RSPO3: variants seen among roughly 807,000 people sequenced by gnomAD.
RSPO3 encodes the protein R-spondin 3, also known as R-spondin-3.
RSPO3 carries 17 observed loss-of-function variants against 36.5 expected under a neutral mutation model. The observed-to-expected ratio is 0.47, with a 90% CI of 0.32 to 0.70. The LOEUF (loss-of-function observed/expected upper bound fraction) is 0.70. Ranked by LOEUF, RSPO3 falls within the 30% of genes least tolerant of loss-of-function variation. RSPO3 has a pLI of 0.04. For missense variants in RSPO3, 294 were observed against 322.5 expected (o/e 0.91, Z 0.68); for synonymous variants, 108 against 107.0 (o/e 1.01, Z -0.06).
intron 1 of RSPO3, chr6:127,119,741 G>A (rs1773800707): frequency 6.4e-6 from 1 of 155,338 alleles, no homozygotes; most frequent in African/African-American, 2.4e-5. Flanking sequence ...GCCTCGCGCG[G>A]GGAGACCTCG....
chr6:127,138,295 G>A (rs986804190), intron 1 of RSPO3, among the ~76,000 whole-genome samples: 26 of 152,164 alleles, frequency 1.7e-4, no homozygotes, highest in African/African-American at 5.8e-4. Flanking sequence ...GTTTAAGTAG[G>A]TGTGTATCTT....
intron 1 of RSPO3, among the ~76,000 whole-genome samples, 183 bp from the exon 2 acceptor site, chr6:127,148,465 C>G (rs927534102): frequency 6.6e-6 from 1 of 151,478 alleles, no homozygotes; most frequent in African/African-American, 2.4e-5. Flanking sequence ...AAATTAAAAA[C>G]AATACATGTG....
chr6:127,196,868 A>T lies in RSPO3; in HGVS notation c.*861A>T, dbSNP rs1478282337. The T allele has an allele frequency of 6.5e-6, 1 of 152,738 alleles. No individual in the cohort carries two copies. The highest frequency in any genetic ancestry group is 1.5e-5 in the Non-Finnish European group (1 of 68,126). The allele number at this position is 152,738 out of a possible 1,614,324, so 9.5% of individuals were successfully genotyped here. A position where few individuals can be genotyped will look rare whatever the true frequency, so the allele number is the denominator to read the frequency against. The stretch of plus-strand genomic sequence containing the variant: ...TTTATAGAAAAAAAATAGAGCAAGG[A>T]GAATATAACATGTTTGCAAAGTCAT... On this transcript the variant is annotated 3_prime_UTR_variant, in exon 5 of 5. Transcript: ENST00000356698.
At chr6:127,137,756 A>G (rs1263530781) in intron 1 of RSPO3, among the ~76,000 whole-genome samples, 1 of 152,084 alleles carries the variant, frequency 6.6e-6, no homozygotes, top group Admixed American at 6.5e-5. Context: ...AAGTTCCATA[A>G]TCATTCCTAT....
At chr6:127,193,370 T>G (rs1051948202) in intron 4 of RSPO3, among the ~76,000 whole-genome samples, 2 of 152,186 alleles carry the variant, frequency 1.3e-5, no homozygotes, top group Non-Finnish European at 2.9e-5. Context: ...AAACAATACA[T>G]TTCTTATGTG....
At chr6:127,133,772 G>A (rs1774101586) in intron 1 of RSPO3, among the ~76,000 whole-genome samples, 1 of 152,086 alleles carries the variant, frequency 6.6e-6, no homozygotes, top group African/African-American at 2.4e-5. Flanking sequence ...AATCAAAATT[G>A]AACTCAGCAC....
chr6:127,197,543 C>A lies in RSPO3; in HGVS notation c.*1536C>A, dbSNP rs1001555167. 6.5e-5 allele frequency: 101 copies of A among 1,549,620 alleles called. No homozygotes were observed. The highest frequency in any genetic ancestry group is 7.8e-5 in the Non-Finnish European group (89 of 1,146,714). ...CACAGAATCGCATGACCCACCTTAA[C>A]CTTCCTGTTGTCATGGAAGGATGCA... On this transcript the variant is annotated 3_prime_UTR_variant, in exon 5 of 5. Transcript: ENST00000356698.
intron 1 of RSPO3, among the ~76,000 whole-genome samples, chr6:127,135,381 A>G (rs2114556343): frequency 6.8e-6 from 1 of 146,984 alleles, no homozygotes; most frequent in Non-Finnish European, 1.5e-5. Context: ...AAATCGTGCC[A>G]CTGCACTCCA....
chr6:127,149,681 G>A (rs145529960), intron 2 of RSPO3, among the ~76,000 whole-genome samples: 9 of 151,934 alleles, frequency 5.9e-5, no homozygotes, highest in African/African-American at 2.2e-4. Context: ...GTTTTCCAGA[G>A]CACTTATCAC....
chr6:127,158,296 C>T (rs1447625410), intron 4 of RSPO3, among the ~76,000 whole-genome samples: 1 of 152,020 alleles, frequency 6.6e-6, no homozygotes, highest in African/African-American at 2.4e-5. Flanking sequence ...ATTTGAGTTG[C>T]TCCCAGATGT....
chr6:127,127,198 A>G (rs2114541241), intron 1 of RSPO3, among the ~76,000 whole-genome samples: 1 of 152,250 alleles, frequency 6.6e-6, no homozygotes, highest in South Asian at 2.1e-4. Flanking sequence ...TGCTTATTTT[A>G]GAACACTGTT....
chr6:127,139,545 CT>C (rs5879837), intron 1 of RSPO3, among the ~76,000 whole-genome samples: 4 of 149,054 alleles, frequency 2.7e-5, no homozygotes, highest in South Asian at 2.1e-4. Flanking sequence ...AAAAATATAT[CT>C]TTTTTTTAAG....
chr6:127,129,325 T>C (rs1774004802), intron 1 of RSPO3, among the ~76,000 whole-genome samples: 1 of 152,038 alleles, frequency 6.6e-6, no homozygotes, highest in Non-Finnish European at 1.5e-5. Flanking sequence ...CCATGAAGGA[T>C]TTTCAAATCT....
intron 4 of RSPO3, among the ~76,000 whole-genome samples, chr6:127,178,710 C>T (rs987315125): frequency 5.3e-5 from 8 of 151,584 alleles, no homozygotes; most frequent in African/African-American, 1.7e-4. Flanking sequence ...GAAAATATTG[C>T]TGAGAAAGGA....
At chr6:127,167,643 G>A (rs980208305) in intron 4 of RSPO3, among the ~76,000 whole-genome samples, 4 of 151,756 alleles carry the variant, frequency 2.6e-5, no homozygotes, top group African/African-American at 4.8e-5. Context: ...TAAGTTCTAG[G>A]GTACATGTGC....
chr6:127,148,564 GA>G (rs1774430912), intron 1 of RSPO3, 83 bp from the exon 2 acceptor site: 2 of 1,056,658 alleles, frequency 1.9e-6, no homozygotes, highest in East Asian at 2.5e-5. Flanking sequence ...GCTAATGAAA[GA>G]GAACATATAT....
chr6:127,164,399 A>T (rs941744564), intron 4 of RSPO3, among the ~76,000 whole-genome samples: 4 of 152,118 alleles, frequency 2.6e-5, no homozygotes, highest in Non-Finnish European at 5.9e-5. Context: ...ATCCCTTTTC[A>T]ATACTGGTTT....
intron 4 of RSPO3, among the ~76,000 whole-genome samples, chr6:127,171,551 T>A (rs548691001): frequency 6.6e-6 from 1 of 151,904 alleles, no homozygotes; most frequent in South Asian, 2.1e-4. Context: ...AAAACAAAGA[T>A]GAAACTGTAA....
intron 4 of RSPO3, among the ~76,000 whole-genome samples, chr6:127,173,319 C>A (rs1468195223): frequency 6.6e-6 from 1 of 151,770 alleles, no homozygotes; most frequent in African/African-American, 2.4e-5. Flanking sequence ...TATTCAAATG[C>A]ACTAAATGGT....
Sources: allele counts gnomAD v4.1 joint callset (sites outside exome capture counted in the v4.1 genomes callset), GRCh38; gene constraint gnomAD v4.1.1; transcripts MANE v1.5; gene names NCBI Gene and HGNC (gene_info 2026-07-23, HGNC 2026-07-21).